LRP1B: variants seen among roughly 807,000 people sequenced by gnomAD.
LRP1B encodes LDL receptor related protein 1B.
In LRP1B, 217 loss-of-function variants were observed where a neutral mutation model predicts 556.6. That is an observed-to-expected ratio of 0.39 (90% CI 0.35 to 0.44). The LOEUF (loss-of-function observed/expected upper bound fraction) is 0.44. Among genes scored for constraint, LRP1B ranks in the 20% least tolerant of loss-of-function variants. The probability of loss-of-function intolerance (pLI) is 1.00; values close to 1 mark genes in which losing one functional copy is unlikely to be tolerated. For synonymous variants in LRP1B, 2,047 were observed against 1,865.8 expected (o/e 1.10, Z -2.50); for missense variants, 5,053 against 5,620.8 (o/e 0.90, Z 3.23).
chr2:141,784,541 A>G (rs1422897558), intron 2 of LRP1B, among the ~76,000 whole-genome samples: 1 of 151,940 alleles, frequency 6.6e-6, no homozygotes, highest in African/African-American at 2.4e-5. Context: ...TGAAACTGTT[A>G]TCTTTGACTG....
chr2:141,456,862 A>T (rs939288409), intron 3 of LRP1B, among the ~76,000 whole-genome samples: 5 of 152,214 alleles, frequency 3.3e-5, no homozygotes, highest in African/African-American at 1.2e-4. Flanking sequence ...TCTAGGGTTC[A>T]TAAGAAGAAA....
intron 71 of LRP1B, 51 bp from the exon 72 acceptor site, chr2:140,364,834 G>T: frequency 6.4e-7 from 1 of 1,560,566 alleles, no homozygotes; most frequent in Non-Finnish European, 8.8e-7. Flanking sequence ...ATCAGTGCCA[G>T]TCAGCAGGAT....
chr2:142,122,628 A>G (rs999284932), intron 1 of LRP1B, among the ~76,000 whole-genome samples: 1 of 152,026 alleles, frequency 6.6e-6, no homozygotes, highest in Non-Finnish European at 1.5e-5. Flanking sequence ...TCCATCTACA[A>G]ATCTGATGTA....
At chr2:141,452,576 G>A (rs1408063077) in intron 3 of LRP1B, among the ~76,000 whole-genome samples, 2 of 152,092 alleles carry the variant, frequency 1.3e-5, no homozygotes, top group African/African-American at 2.4e-5. Context: ...AGCTAGCATC[G>A]ATTACACATG....
chr2:140,321,864 A>C, intron 82 of LRP1B, 99 bp downstream of exon 82: 1 of 1,223,686 alleles, frequency 8.2e-7, no homozygotes, highest in Non-Finnish European at 1.2e-6. Context: ...AAGGTAGCTA[A>C]ACTGATGATG....
At chr2:141,061,813 G>C (rs1466155554) in intron 8 of LRP1B, among the ~76,000 whole-genome samples, 2 of 151,388 alleles carry the variant, frequency 1.3e-5, no homozygotes, top group Admixed American at 1.3e-4. Flanking sequence ...TTTGTTTTTT[G>C]TTTACTTGTT....
intron 43 of LRP1B, among the ~76,000 whole-genome samples, chr2:140,566,844 T>A (rs1681145104): frequency 6.6e-6 from 1 of 152,102 alleles, no homozygotes. Context: ...GCAGCCTGAC[T>A]CCTATGAAAT....
chr2:142,080,529 A>T (rs186877280), intron 1 of LRP1B, among the ~76,000 whole-genome samples: 3,266 of 152,132 alleles, frequency 0.021, 134 homozygotes, highest in African/African-American at 0.071. Flanking sequence ...GTTTGTAAAA[A>T]AAATAAATAA....
At chr2:140,598,883 G>A (rs773598712) in intron 42 of LRP1B, 48 bp from the exon 43 acceptor site, 2 of 1,249,092 alleles carry the variant, frequency 1.6e-6, no homozygotes, top group South Asian at 1.3e-5. Flanking sequence ...CTCATCAAGA[G>A]TAAAAATACT....
intron 3 of LRP1B, among the ~76,000 whole-genome samples, chr2:141,355,175 T>A (rs2105549600): frequency 6.6e-6 from 1 of 152,122 alleles, no homozygotes; most frequent in South Asian, 2.1e-4. Flanking sequence ...AGAAAAAAAA[T>A]CAGTTTTGTC....
At chr2:140,597,677 T>A (rs925007541) in intron 43 of LRP1B, among the ~76,000 whole-genome samples, 8 of 152,200 alleles carry the variant, frequency 5.3e-5, no homozygotes, top group African/African-American at 1.9e-4. Flanking sequence ...ATTTGTTCTA[T>A]ATGTATAGAA....
At chr2:140,266,687 C>A (rs1178064398) in intron 86 of LRP1B, among the ~76,000 whole-genome samples, 3 of 151,940 alleles carry the variant, frequency 2.0e-5, no homozygotes, top group African/African-American at 4.8e-5. Context: ...GATGTTCAAC[C>A]CTTTCTTTCC....
chr2:141,958,369 G>GA (rs1299807470), intron 1 of LRP1B, among the ~76,000 whole-genome samples: 4 of 151,958 alleles, frequency 2.6e-5, no homozygotes, highest in Non-Finnish European at 5.9e-5. Context: ...AGAAGGCTAT[G>GA]AAGTCATTTG....
At chr2:141,635,743 G>A (rs972979772) in intron 2 of LRP1B, among the ~76,000 whole-genome samples, 17 of 152,172 alleles carry the variant, frequency 1.1e-4, no homozygotes, top group African/African-American at 3.6e-4. Flanking sequence ...AACTTTCCAC[G>A]TGGATTTTCA....
chr2:140,302,761 A>G (rs1399086816), intron 83 of LRP1B, among the ~76,000 whole-genome samples: 1 of 152,060 alleles, frequency 6.6e-6, no homozygotes. Context: ...GGCTGAGGAC[A>G]TCAGAGCTCC....
At chr2:141,844,919 T>C (rs1697593804) in intron 1 of LRP1B, among the ~76,000 whole-genome samples, 1 of 151,954 alleles carries the variant, frequency 6.6e-6, no homozygotes, top group Non-Finnish European at 1.5e-5. Context: ...TCCAATGAGA[T>C]TAGAATTTTC....
At chr2:141,992,073 ATACTT>A (rs1242185214) in intron 1 of LRP1B, among the ~76,000 whole-genome samples, 4 of 152,052 alleles carry the variant, frequency 2.6e-5, no homozygotes, top group Non-Finnish European at 1.5e-5. Flanking sequence ...ATCCCTCTAT[ATACTT>A]TAATCTCTAG....
At chr2:141,956,684 G>C (rs1701263779) in intron 1 of LRP1B, among the ~76,000 whole-genome samples, 1 of 151,958 alleles carries the variant, frequency 6.6e-6, no homozygotes, top group African/African-American at 2.4e-5. Context: ...TTTAAATTCT[G>C]TGTGGGCAGA....
intron 11 of LRP1B, among the ~76,000 whole-genome samples, chr2:141,037,220 G>A (rs895252974): frequency 6.6e-5 from 10 of 152,068 alleles, no homozygotes; most frequent in African/African-American, 2.2e-4. Context: ...CCAAGGGAGG[G>A]ATCTGAAAGC....
Sources: gnomAD v4.1 joint callset for allele counts (sites outside exome capture counted in the v4.1 genomes callset) on GRCh38, gnomAD v4.1.1 for gene constraint, MANE v1.5 for transcripts, NCBI Gene and HGNC (gene_info 2026-07-23, HGNC 2026-07-21) for gene names.